Variants in COL8A1 observed in about 807,000 individuals in gnomAD.
COL8A1 encodes the protein collagen type VIII alpha 1 chain.
COL8A1 carries 21 observed loss-of-function variants against 42.7 expected under a neutral mutation model. That is an observed-to-expected ratio of 0.49 (90% CI 0.35 to 0.71). COL8A1 has a LOEUF of 0.71. COL8A1 is among the 30% of genes least tolerant of loss of function. COL8A1 has a pLI of 0.01. For missense variants in COL8A1, 788 were observed against 962.4 expected (o/e 0.82, Z 2.40); for synonymous variants, 367 against 369.1 (o/e 0.99, Z 0.06).
At chr3:99,681,004 A>T (rs914974945) in intron 1 of COL8A1, among the ~76,000 whole-genome samples, 16 of 152,338 alleles carry the variant, frequency 1.1e-4, no homozygotes, top group Non-Finnish European at 1.9e-4. Flanking sequence ...TGGATTGAAG[A>T]CTTAAATGTT....
intron 1 of COL8A1, among the ~76,000 whole-genome samples, chr3:99,686,865 G>A (rs1480163763): frequency 1.3e-5 from 2 of 151,968 alleles, no homozygotes; most frequent in East Asian, 3.9e-4. Context: ...TGTTTTTGGG[G>A]GGGGTTCTGT....
intron 1 of COL8A1, among the ~76,000 whole-genome samples, chr3:99,670,296 A>T (rs1222834359): frequency 1.3e-5 from 2 of 152,096 alleles, no homozygotes; most frequent in African/African-American, 4.8e-5. Context: ...GTATGTTTGC[A>T]TGAAATACAT....
chr3:99,706,705 G>A (rs1338952914), intron 1 of COL8A1, among the ~76,000 whole-genome samples: 1 of 152,152 alleles, frequency 6.6e-6, no homozygotes, highest in Admixed American at 6.5e-5. Flanking sequence ...ATCTTGATGT[G>A]CATGTTTTCA....
chr3:99,683,005 C>A (rs1175556143), intron 1 of COL8A1, among the ~76,000 whole-genome samples: 1 of 152,138 alleles, frequency 6.6e-6, no homozygotes, highest in Non-Finnish European at 1.5e-5. Flanking sequence ...TCTGTATGAA[C>A]TTTTTGAAAG....
chr3:99,790,945 A>C lies in COL8A1; in HGVS notation c.263A>C (p.Gln88Pro). 3 of 1,614,106 alleles carry C rather than the reference A, an allele frequency of 1.9e-6. No homozygotes were observed. The highest frequency in any genetic ancestry group is 2.5e-6 in the Non-Finnish European group (3 of 1,179,964). ...GGCAAAGAGTATCCACACCTACCCC[A>C]ATATATGAAGGAAATTCAACCGGCG... ...QYGKEYPHLP[Q>P]YMKEIQPAPR... is the part of the protein sequence containing the mutation. Residue 88 changes from glutamine (Q) to proline (P), a missense_variant, in exon 3 of 4, where the codon CAA becomes CCA. Around this residue, in one of 4 missense-constraint regions of COL8A1, gnomAD observed 421 missense variants for 553.1 expected, o/e 0.76. Transcript: ENST00000652472.
In COL8A1 at chr3:99,794,371, T is replaced by C; in HGVS notation, c.470T>C (p.Val157Ala). 6.2e-7 allele frequency: 1 copy of C among 1,613,098 alleles called. No homozygotes were observed. The highest frequency in any genetic ancestry group is 2.2e-5 in the East Asian group (1 of 44,790). ...CCAGGGCCACAGGGATATCCAGGAG[T>C]TGGAAAGCCAGGTATGCCTGGAATG... ...GKPGPQGYPG[V>A]GKPGMPGMPG... is the part of the protein sequence containing the mutation. The change falls in exon 4 of 4, where the codon GTT becomes GCT. Residue 157 changes from valine to alanine, a missense_variant. Val to Ala is a moderately conservative substitution (Grantham distance 64, BLOSUM62 0). Transcript: ENST00000652472. This position sits in a 1 kb window ranked among gnomAD's most constrained non-coding sequence, Gnocchi z 4.3.
At chr3:99,661,684 G>C (rs966097838) in intron 1 of COL8A1, among the ~76,000 whole-genome samples, 4 of 152,168 alleles carry the variant, frequency 2.6e-5, no homozygotes, top group African/African-American at 9.7e-5. Context: ...GTTCATGGCA[G>C]GATTATTCAC....
At chr3:99,690,593 A>G (rs1939188169) in intron 1 of COL8A1, among the ~76,000 whole-genome samples, 1 of 152,214 alleles carries the variant, frequency 6.6e-6, no homozygotes, top group Admixed American at 6.5e-5. Context: ...GATGTGGATG[A>G]TGAACATGAA....
chr3:99,709,249 G>A (rs1441115230), intron 1 of COL8A1, among the ~76,000 whole-genome samples: 2 of 151,886 alleles, frequency 1.3e-5, no homozygotes, highest in East Asian at 3.9e-4. Flanking sequence ...AATTACCCAG[G>A]GCCTAGGGAC....
intron 1 of COL8A1, among the ~76,000 whole-genome samples, chr3:99,653,241 T>C (rs2107291980): frequency 6.6e-6 from 1 of 152,348 alleles, no homozygotes; most frequent in South Asian, 2.1e-4. Flanking sequence ...TGTCTACGTG[T>C]TGCAAATAAG....
intron 3 of COL8A1, among the ~76,000 whole-genome samples, chr3:99,792,008 A>T (rs1193094407): frequency 6.6e-6 from 1 of 152,166 alleles, no homozygotes; most frequent in East Asian, 1.9e-4. Flanking sequence ...GTAAGAACAG[A>T]GTGTGTTCCA....
chr3:99,689,418 A>G (rs916072729), intron 1 of COL8A1, among the ~76,000 whole-genome samples: 1 of 152,156 alleles, frequency 6.6e-6, no homozygotes, highest in Non-Finnish European at 1.5e-5. Flanking sequence ...ACCCAGCATT[A>G]TTTCCATTAT....
At chr3:99,702,056 A>G (rs1488126793) in intron 1 of COL8A1, among the ~76,000 whole-genome samples, 1 of 152,194 alleles carries the variant, frequency 6.6e-6, no homozygotes, top group Non-Finnish European at 1.5e-5. Context: ...AATGTTATTT[A>G]AAAGGCAATA....
chr3:99,673,705 A>G (rs760197286), intron 1 of COL8A1, among the ~76,000 whole-genome samples: 12 of 151,994 alleles, frequency 7.9e-5, no homozygotes, highest in Admixed American at 2.0e-4. Flanking sequence ...ATATCATTTT[A>G]TGTGCCATTT....
intron 1 of COL8A1, among the ~76,000 whole-genome samples, chr3:99,660,104 T>C (rs1441436458): frequency 3.3e-5 from 5 of 152,154 alleles, no homozygotes; most frequent in African/African-American, 1.2e-4. Flanking sequence ...CAGGAAGACA[T>C]TTACATTCCA....
chr3:99,730,412 C>T (rs112517234), intron 1 of COL8A1, among the ~76,000 whole-genome samples: 2,214 of 152,122 alleles, frequency 0.015, 50 homozygotes, highest in African/African-American at 0.05. Context: ...AATGTTATGA[C>T]ATATCTGTAA....
chr3:99,689,441 C>G (rs1190203483), intron 1 of COL8A1, among the ~76,000 whole-genome samples: 1 of 152,132 alleles, frequency 6.6e-6, no homozygotes, highest in Admixed American at 6.5e-5. Flanking sequence ...TGTGATTGTT[C>G]TCAGGCACAG....
intron 2 of COL8A1, among the ~76,000 whole-genome samples, chr3:99,750,612 T>A (rs1040221057): frequency 6.6e-6 from 1 of 152,154 alleles, no homozygotes; most frequent in African/African-American, 2.4e-5. Context: ...ACAAAATTTT[T>A]AAAAAATAAT....
intron 1 of COL8A1, among the ~76,000 whole-genome samples, chr3:99,706,401 C>A (rs1939681767): frequency 6.6e-6 from 1 of 152,156 alleles, no homozygotes; most frequent in South Asian, 2.1e-4. Flanking sequence ...TAGAACCCAG[C>A]TCAGGAGAAC....
Sources: allele counts gnomAD v4.1 joint callset (sites outside exome capture counted in the v4.1 genomes callset), GRCh38; gene constraint gnomAD v4.1.1; regional missense constraint gnomAD v4.1.1; non-coding constraint Gnocchi (gnomAD v3.1); transcripts MANE v1.5; gene names NCBI Gene and HGNC (gene_info 2026-07-23, HGNC 2026-07-21).